The following SUGT1 variants were observed in gnomAD, a reference collection of about 807,000 sequenced individuals.
SUGT1 encodes the protein SGT1 assembly cochaperone of MIS12 kinetochore complex, also known as protein SGT1 homolog.
A neutral mutation model predicts 56.1 loss-of-function variants in SUGT1; 15 were observed. The observed-to-expected ratio is 0.27, with a 90% confidence interval of 0.18 to 0.41. The LOEUF is 0.41. Among genes scored for constraint, SUGT1 ranks in the 10% least tolerant of loss-of-function variants. The pLI is 1.00. For synonymous variants in SUGT1, 123 were observed against 128.6 expected, an observed-to-expected ratio of 0.96 and a Z score of 0.30; for missense variants, 347 against 382.2, an observed-to-expected ratio of 0.91 and a Z score of 0.77.
chr13:52,659,816 T>TATATA (rs1962350522), intron 5 of SUGT1, among the ~76,000 whole-genome samples: 2 of 24,320 alleles, frequency 8.2e-5, no homozygotes, highest in African/African-American at 5.7e-4. Flanking sequence ...ATATATATAT[T>TATATA]TTTTTTTTTT....
rs777353673 is a variant in SUGT1, at chr13:52,680,044, A to G, written c.789A>G (p.Lys263=). 15 of 1,602,874 alleles carry G rather than the reference A, an allele frequency of 9.4e-6. No homozygotes were observed. Among genetic ancestry groups the G allele is most frequent in the Non-Finnish European group, 1.3e-5 (15 of 1,177,152 alleles). The change falls in exon 12 of 13, where the codon AAA becomes AAG. Residue 263 remains lysine, a synonymous_variant. Coordinates refer to ENST00000310528, the MANE Select transcript of SUGT1 (RefSeq NM_006704.5). ...RNWDKLVGEI[K]EEEKNEKLEG... ...GGGATAAATTGGTTGGTGAGATCAA[A>G]GAAGAAGAAAAGAATGAAAAGTTGG...
chr13:52,663,451 T>C (rs976196079), intron 7 of SUGT1, among the ~76,000 whole-genome samples: 4 of 152,216 alleles, frequency 2.6e-5, no homozygotes, highest in African/African-American at 9.6e-5. Context: ...GGGCTTTTTA[T>C]GATAGGCTAA....
rs1221099764 is a variant in SUGT1, at chr13:52,694,097, G to C, written c.*6262G>C. 1.3e-5 allele frequency: 2 copies of C among 152,180 alleles called. No individual in the cohort carries two copies. Among genetic ancestry groups the C allele is most frequent in the Non-Finnish European group, 2.9e-5 (2 of 68,036 alleles). The allele number at this position is 152,180 out of a possible 1,614,324, so 9.4% of individuals were successfully genotyped here. Reference sequence around the variant, plus strand: ...TGTGGAAAGCAAAACCATGGATAAAGGGGAACTATTAATAGTCTATCTGTA... The same window carrying C: ...TGTGGAAAGCAAAACCATGGATAAACGGGAACTATTAATAGTCTATCTGTA... On this transcript the variant is annotated 3_prime_UTR_variant, in exon 13 of 13. Transcript: ENST00000310528.
At chr13:52,683,234 C>T (rs1210046370) in intron 12 of SUGT1, among the ~76,000 whole-genome samples, 1 of 152,064 alleles carries the variant, frequency 6.6e-6, no homozygotes, top group Non-Finnish European at 1.5e-5. Context: ...ATAATGTTAA[C>T]TGTAAATTTT....
intron 12 of SUGT1, among the ~76,000 whole-genome samples, chr13:52,683,548 C>T (rs2138172871): frequency 6.6e-6 from 1 of 152,138 alleles, no homozygotes; most frequent in South Asian, 2.1e-4. Flanking sequence ...GAATATGAGT[C>T]TAATTTTCTT....
intron 5 of SUGT1, 100 bp from the exon 6 acceptor site, chr13:52,662,549 G>A: frequency 8.1e-7 from 1 of 1,229,368 alleles, no homozygotes; most frequent in South Asian, 1.3e-5. Context: ...ACTCCCCAGT[G>A]CCTAGAACAC....
chr13:52,660,005 A>G lies in SUGT1; in HGVS notation c.328+756A>G, dbSNP rs112888281. On this transcript the variant is annotated intron_variant, in intron 5 of 12. Coordinates refer to ENST00000310528, the MANE Select transcript of SUGT1 (RefSeq NM_006704.5). ...CACCACGCCCGGCCAATTTTTTTGT[A>G]TTTTTAGTAGAGATGGGGTTTCACC... Among the ~76,000 whole-genome samples, 846 of 150,268 alleles carry G rather than the reference A, an allele frequency of 5.6e-3. 7 individuals carry two copies. The highest frequency in any genetic ancestry group is 0.019 in the African/African-American group (770 of 40,892).
rs1963718648 is a variant in SUGT1, at chr13:52,689,669, AT to A, written c.*1836del. On this transcript the variant is annotated 3_prime_UTR_variant, in exon 13 of 13. Transcript: ENST00000310528. ...CTTTTTCTTTCTTAAAGATGACACT[AT>A]TAAAATAGCTGTTTCTGACCAGGTG... is the stretch of plus-strand genomic sequence containing the variant. The A allele has an allele frequency of 6.6e-6, 1 of 152,186 alleles. No homozygotes were observed. Among genetic ancestry groups the A allele is most frequent in the Non-Finnish European group, 1.5e-5 (1 of 68,038 alleles). 9.4% of individuals were successfully genotyped at this position (152,186 alleles called of 1,614,324 possible). A position where few individuals can be genotyped will look rare whatever the true frequency, so the allele number is the denominator to read the frequency against.
intron 4 of SUGT1, among the ~76,000 whole-genome samples, chr13:52,658,738 CTTTTTTT>C (rs59712858): frequency 7.8e-6 from 1 of 127,752 alleles, no homozygotes; most frequent in Non-Finnish European, 1.6e-5. Context: ...TTTCACATTG[CTTTTTTT>C]TTTTTTTTTT....
rs748823408 is a variant in SUGT1 at position 52,680,076 on chromosome 13, A to T, written c.821A>T (p.Asp274Val). 54 of 1,596,738 alleles carry T rather than the reference A, an allele frequency of 3.4e-5. No homozygotes were observed. Among genetic ancestry groups the T allele is most frequent in the Non-Finnish European group, 1.2e-5 (14 of 1,175,546 alleles). ...GAAAAGAATGAAAAGTTGGAGGGAGATGCAGCTTTAAACAGATTATTTCAG... is the reference window on the plus strand; with the variant it reads ...GAAAAGAATGAAAAGTTGGAGGGAGTTGCAGCTTTAAACAGATTATTTCAG... ...EEEKNEKLEGDAALNRLFQQI... is the reference protein window; with the variant it reads ...EEEKNEKLEGVAALNRLFQQI... Residue 274 changes from aspartate to valine, a missense_variant, in exon 12 of 13, where the codon GAT (aspartate) becomes GTT (valine). Transcript: ENST00000310528.
intron 5 of SUGT1, 92 bp from the exon 6 acceptor site, chr13:52,662,557 C>G: frequency 7.5e-7 from 1 of 1,336,772 alleles, no homozygotes; most frequent in Non-Finnish European, 1.1e-6. Context: ...GTGCCTAGAA[C>G]ACTGCCTGGG....
At chr13:52,668,511 T>G (rs1962807501) in intron 10 of SUGT1, among the ~76,000 whole-genome samples, 1 of 152,156 alleles carries the variant, frequency 6.6e-6, no homozygotes, top group Non-Finnish European at 1.5e-5. Flanking sequence ...GCCTACTTAT[T>G]TGAAGATTGT....
Position 52,659,234 on chromosome 13 carries a change from G to A in SUGT1, c.313G>A (p.Gly105Arg). The A allele has an allele frequency of 6.8e-7, 1 of 1,476,486 alleles. No homozygotes were observed. The highest frequency in any genetic ancestry group is 8.9e-7 in the Non-Finnish European group (1 of 1,118,288). The allele number at this position is 1,476,486 out of a possible 1,614,324, so 91.5% of individuals were successfully genotyped here. Residue 105 changes from glycine to arginine, a missense_variant, in exon 5 of 13, where the codon GGA becomes AGA. Coordinates refer to ENST00000310528, the MANE Select transcript of SUGT1 (RefSeq NM_006704.5). ...TGCTGCCCTAGAAACTTTTACAGAA[G>A]GACAAAAATTAGATAGTAAGTATTA... Reference protein sequence around the residue: ...YAAALETFTEGQKLDSADANF... With the variant: ...YAAALETFTERQKLDSADANF...
At chr13:52,671,008 A>C (rs909800521) in intron 10 of SUGT1, among the ~76,000 whole-genome samples, 1 of 152,110 alleles carries the variant, frequency 6.6e-6, no homozygotes, top group Non-Finnish European at 1.5e-5. Flanking sequence ...CTCTTCTCCC[A>C]CTTTGAGAAG....
At position 52,699,084 on chromosome 13, in the gene SUGT1, T is replaced by C. The variant is rs2061180170; in HGVS notation, c.*11249T>C. 6.6e-6 allele frequency: 1 copy of C among 152,124 alleles called. No individual in the cohort carries two copies. 9.4% of individuals were successfully genotyped at this position (152,124 alleles called of 1,614,324 possible). A position where few individuals can be genotyped will look rare whatever the true frequency, so the allele number is the denominator to read the frequency against. On this transcript the variant is annotated 3_prime_UTR_variant, in exon 13 of 13. Coordinates refer to ENST00000310528, the MANE Select transcript of SUGT1 (RefSeq NM_006704.5). ...CTCTAATGCCTTATTTCCAGTAAAG[T>C]TTAGAGAAGAGGAAAAGCTACTTGG...
chr13:52,669,457 A>G (rs1000768881), intron 10 of SUGT1, among the ~76,000 whole-genome samples: 2 of 152,202 alleles, frequency 1.3e-5, no homozygotes, highest in African/African-American at 4.8e-5. Context: ...GAGAATGTTT[A>G]TTCTTAGTTT....
At chr13:52,665,827 C>T (rs953592464) in intron 9 of SUGT1, 94 bp downstream of exon 9, 7 of 760,766 alleles carry the variant, frequency 9.2e-6, no homozygotes, top group Non-Finnish European at 1.4e-5. Flanking sequence ...CAGATAAATG[C>T]TATTTCTTCC....
chr13:52,658,732 A>C (rs1962282846), intron 4 of SUGT1, among the ~76,000 whole-genome samples: 1 of 99,304 alleles, frequency 1.0e-5, no homozygotes, highest in African/African-American at 3.8e-5. Context: ...GATAGATTTC[A>C]CATTGCTTTT....
At chr13:52,656,510 C>T (rs1251749830) in intron 2 of SUGT1, among the ~76,000 whole-genome samples, 1 of 152,182 alleles carries the variant, frequency 6.6e-6, no homozygotes, top group Non-Finnish European at 1.5e-5. Flanking sequence ...CCATGTTCCC[C>T]TTACTAACAG....
Sources: gnomAD v4.1 joint callset for allele counts (sites outside exome capture counted in the v4.1 genomes callset) on GRCh38, gnomAD v4.1.1 for gene constraint, MANE v1.5 for transcripts, NCBI Gene and HGNC (gene_info 2026-07-23, HGNC 2026-07-21) for gene names.